The following C10orf53 variants were observed in gnomAD, a reference collection of about 807,000 sequenced individuals.
C10orf53 encodes the protein chromosome 10 open reading frame 53.
A neutral mutation model predicts 9.4 loss-of-function variants in C10orf53; 8 were observed. That is an observed-to-expected ratio of 0.85 (90% CI 0.50 to 1.53). The LOEUF (loss-of-function observed/expected upper bound fraction) is 1.53, where lower values mean the gene tolerates loss of function less well. Among genes scored for constraint, C10orf53 ranks in the 40% most tolerant of loss-of-function variants. The pLI is 0.00. For missense variants in C10orf53, 117 were observed against 117.8 expected (o/e 0.99, Z 0.03); for synonymous variants, 48 against 46.0 (o/e 1.04, Z -0.18).
chr10:49,708,890 A>G (rs774900757), exon 3 of C10orf53: 24 of 476,224 alleles, frequency 5.0e-5, no homozygotes, highest in Non-Finnish European at 9.0e-5. Context: ...AGCCCCCACC[A>G]TCTTCTGAAG....
intron 2 of C10orf53, among the ~76,000 whole-genome samples, chr10:49,704,296 G>A (rs1355337030): frequency 6.6e-6 from 1 of 152,090 alleles, no homozygotes; most frequent in South Asian, 2.1e-4. Context: ...CCTACAGAGA[G>A]CTCCCACAAA....
chr10:49,681,816 C>G (rs1302747882), intron 1 of C10orf53, among the ~76,000 whole-genome samples: 4 of 152,166 alleles, frequency 2.6e-5, no homozygotes, highest in Non-Finnish European at 5.9e-5. Flanking sequence ...AGATTGGGTC[C>G]TCATCCTTAT....
At chr10:49,705,247 A>G (rs1174069557) in intron 2 of C10orf53, among the ~76,000 whole-genome samples, 2 of 152,220 alleles carry the variant, frequency 1.3e-5, no homozygotes, top group Admixed American at 6.5e-5. Flanking sequence ...TTAAAATAGC[A>G]AGAAACAGGA....
chr10:49,691,389 G>A (rs149494370), intron 1 of C10orf53, among the ~76,000 whole-genome samples: 118 of 152,340 alleles, frequency 7.7e-4, no homozygotes, highest in African/African-American at 2.4e-3. Flanking sequence ...CAAAAGTGTC[G>A]TGGGCAGTGC....
chr10:49,708,958 G>T, exon 3 of C10orf53: 2 of 262,164 alleles, frequency 7.6e-6, no homozygotes, highest in Non-Finnish European at 1.4e-5. Context: ...TTTGGGATTT[G>T]GCATCTCTTC....
chr10:49,707,606 C>T (rs1015237654), intron 2 of C10orf53, among the ~76,000 whole-genome samples: 20 of 152,126 alleles, frequency 1.3e-4, no homozygotes, highest in Non-Finnish European at 1.5e-5. Context: ...ATGTTCCAGT[C>T]GTTTAGCTGT....
intron 1 of C10orf53, among the ~76,000 whole-genome samples, chr10:49,688,916 T>A (rs1357090413): frequency 6.6e-6 from 1 of 152,130 alleles, no homozygotes; most frequent in Non-Finnish European, 1.5e-5. Flanking sequence ...CCTTATTTCT[T>A]CTTCTTGCTC....
Position 49,693,811 on chromosome 10 carries a change from G to A in C10orf53, c.135G>A (p.Glu45=). ...LAIDGHEVIL[E]KIEDWNVVEL... The stretch of plus-strand genomic sequence containing the variant: ...TAGATGGACATGAGGTCATCCTAGA[G>A]AAGATAGAAGACTGGAATGTGGTGG... Residue 45 remains glutamate, a synonymous_variant, in exon 2 of 3, where the codon GAG becomes GAA. Transcript: ENST00000374111. The A allele has an allele frequency of 1.2e-6, 2 of 1,613,942 alleles. No individual in the cohort carries two copies. Among genetic ancestry groups the A allele is most frequent in the Non-Finnish European group, 1.7e-6 (2 of 1,179,770 alleles).
downstream of C10orf53, among the ~76,000 whole-genome samples, chr10:49,699,190 C>CTTTCTT (rs1840661357): frequency 1.5e-5 from 1 of 64,870 alleles, no homozygotes; most frequent in African/African-American, 6.9e-5. Flanking sequence ...GTGGCTCAAT[C>CTTTCTT]TTTTTTTTTT....
intron 1 of C10orf53, among the ~76,000 whole-genome samples, chr10:49,683,789 A>G (rs1236217372): frequency 6.6e-6 from 1 of 152,170 alleles, no homozygotes; most frequent in Non-Finnish European, 1.5e-5. Flanking sequence ...CCAGCTACTC[A>G]GGAGGCTGAG....
downstream of C10orf53, among the ~76,000 whole-genome samples, chr10:49,699,322 T>C (rs1840663554): frequency 1.3e-5 from 2 of 149,320 alleles, no homozygotes; most frequent in African/African-American, 4.9e-5. Flanking sequence ...GCCTTCCGAA[T>C]AGCTGAGACT....
intron 2 of C10orf53, among the ~76,000 whole-genome samples, chr10:49,706,111 TG>T (rs60196437): frequency 0.46 from 69,223 of 152,002 alleles, 16,176 homozygotes; most frequent in Middle Eastern, 0.5. Flanking sequence ...TGTTGGTTGA[TG>T]GGGATGTAAA....
Position 49,679,673 on chromosome 10 carries a change from C to A in C10orf53, c.-25C>A. ...CTTAGCAGCGTGTGTTTCTCCCTTGCCTCTGCGGCGGCGGAGGCCTGGCGA... is the reference window on the plus strand; with the variant it reads ...CTTAGCAGCGTGTGTTTCTCCCTTGACTCTGCGGCGGCGGAGGCCTGGCGA... On this transcript the variant is annotated 5_prime_UTR_variant, in exon 1 of 3. Coordinates refer to ENST00000374111, the MANE Select transcript of C10orf53 (RefSeq NM_001042427.3). The A allele has an allele frequency of 6.5e-7, 1 of 1,543,624 alleles. No homozygotes were observed. Among genetic ancestry groups the A allele is most frequent in the Non-Finnish European group, 8.7e-7 (1 of 1,143,806 alleles).
chr10:49,703,542 C>T (rs1377339995), intron 2 of C10orf53, among the ~76,000 whole-genome samples: 1 of 152,202 alleles, frequency 6.6e-6, no homozygotes, highest in African/African-American at 2.4e-5. Context: ...TGTAAGGCGA[C>T]CAGCAGCCCC....
chr10:49,707,886 A>G (rs1005174339), intron 2 of C10orf53, among the ~76,000 whole-genome samples: 2 of 152,130 alleles, frequency 1.3e-5, no homozygotes, highest in African/African-American at 2.4e-5. Context: ...GAAAAAAAAA[A>G]ACCCATTGAC....
Position 49,694,661 on chromosome 10 carries a change from T to A in C10orf53, c.*59T>A, listed in dbSNP as rs943406228. On this transcript the variant is annotated 3_prime_UTR_variant, in exon 3 of 3. Transcript: ENST00000374111. The stretch of plus-strand genomic sequence containing the variant: ...AACAGCAGCTGCCCCAGCCATTCTA[T>A]GATGCAGGCAGAAGTGGCTGTGCCA... 5 of 1,612,968 alleles carry A rather than the reference T, an allele frequency of 3.1e-6. No homozygotes were observed. Among genetic ancestry groups the A allele is most frequent in the Non-Finnish European group, 4.2e-6 (5 of 1,179,486 alleles).
downstream of C10orf53, among the ~76,000 whole-genome samples, chr10:49,702,317 G>A (rs768893986): frequency 1.5e-4 from 23 of 152,054 alleles, no homozygotes; most frequent in Non-Finnish European, 2.9e-4. Flanking sequence ...AGTTGACTGG[G>A]CCATGGGGTG....
At chr10:49,692,537 T>C (rs565194449) in intron 1 of C10orf53, among the ~76,000 whole-genome samples, 6 of 152,360 alleles carry the variant, frequency 3.9e-5, no homozygotes, top group Admixed American at 6.5e-5. Flanking sequence ...GTAAAACTGA[T>C]TGAAATGGCA....
intron 2 of C10orf53, among the ~76,000 whole-genome samples, chr10:49,705,612 A>C (rs10857533): frequency 0.46 from 69,185 of 151,968 alleles, 16,172 homozygotes; most frequent in Middle Eastern, 0.5. Flanking sequence ...CTCACACCAT[A>C]TACAAAAATT....
Sources: allele counts gnomAD v4.1 joint callset (sites outside exome capture counted in the v4.1 genomes callset), GRCh38; gene constraint gnomAD v4.1.1; transcripts MANE v1.5; gene names NCBI Gene and HGNC (gene_info 2026-07-23, HGNC 2026-07-21).